The following PGS1 variants were observed in gnomAD, a reference collection of about 807,000 sequenced individuals.
PGS1 encodes the protein phosphatidylglycerophosphate synthase 1.
A neutral mutation model predicts 58.3 loss-of-function variants in PGS1; 44 were observed. The ratio of observed to expected loss-of-function variants is 0.75; its 90% CI spans 0.59 to 0.97. The LOEUF is 0.97. PGS1 is among the 50% of genes least tolerant of loss of function. The probability of loss-of-function intolerance (pLI) is 0.00; values close to 1 mark genes in which losing one functional copy is unlikely to be tolerated. For synonymous variants in PGS1, 330 were observed against 311.0 expected (o/e 1.06, Z -0.64); for missense variants, 684 against 731.1 (o/e 0.94, Z 0.74).
At chr17:78,407,082 G>T (rs1489875320) in intron 7 of PGS1, among the ~76,000 whole-genome samples, 2 of 152,174 alleles carry the variant, frequency 1.3e-5, no homozygotes, top group Non-Finnish European at 2.9e-5. Context: ...GGGTCGGGGC[G>T]GGGGGTGCCC....
intron 3 of PGS1, among the ~76,000 whole-genome samples, chr17:78,397,384 G>C (rs570136990): frequency 6.6e-6 from 1 of 151,982 alleles, no homozygotes; most frequent in Non-Finnish European, 1.5e-5. Flanking sequence ...TGTGGAGAGG[G>C]AGGTGCAGTG....
chr17:78,392,544 G>T lies in PGS1; in HGVS notation c.212G>T (p.Cys71Phe). ...CCCCAGGTCACCTCCCCACCTTGCT[G>T]CCTGTGTCCAGAAGGCGTGCACCGG... ...AVPQVTSPPCCLCPEGVHRFQ... is the reference protein window; with the variant it reads ...AVPQVTSPPCFLCPEGVHRFQ... The change falls in exon 2 of 10, where the codon TGC (cysteine) becomes TTC (phenylalanine). Residue 71 changes from cysteine to phenylalanine, a missense_variant. Transcript: ENST00000262764. 3 of 1,614,146 alleles carry T rather than the reference G, an allele frequency of 1.9e-6. No individual in the cohort carries two copies. The highest frequency in any genetic ancestry group is 2.5e-6 in the Non-Finnish European group (3 of 1,180,004).
chr17:78,421,239 CTT>C (rs1345933684), intron 9 of PGS1: 2 of 152,066 alleles, frequency 1.3e-5, no homozygotes, highest in African/African-American at 2.4e-5. Context: ...TGCCTGATCT[CTT>C]TATCATCTTC....
In PGS1 at chr17:78,414,988, C is replaced by G. The variant is rs576609475; in HGVS notation, c.1512C>G (p.Ile504Met). Reference sequence around the variant, plus strand: ...GGGACCTGGAGGCCCAGATTGCGATCGTGACGGAGAACCAGGCCCTGCAGC... The same window carrying G: ...GGGACCTGGAGGCCCAGATTGCGATGGTGACGGAGAACCAGGCCCTGCAGC... ...VHRDLEAQIA[I>M]VTENQALQQQ... Residue 504 changes from isoleucine (I) to methionine (M), a missense_variant, in exon 8 of 10, where the codon ATC (isoleucine) becomes ATG (methionine). By Grantham distance (10) the Ile-to-Met change is conservative. Coordinates refer to ENST00000262764, the MANE Select transcript of PGS1 (RefSeq NM_024419.5). 9 of 1,613,488 alleles carry G rather than the reference C, an allele frequency of 5.6e-6. No individual in the cohort carries two copies. The highest frequency in any genetic ancestry group is 2.2e-5 in the East Asian group (1 of 44,868).
chr17:78,421,876 A>C (rs2085800147), intron 9 of PGS1: 1 of 151,286 alleles, frequency 6.6e-6, no homozygotes, highest in East Asian at 1.9e-4. Context: ...AACTCTGCAA[A>C]GCAGCCGGAG....
At chr17:78,384,629 C>A (rs1021132861) in intron 1 of PGS1, among the ~76,000 whole-genome samples, 1 of 152,120 alleles carries the variant, frequency 6.6e-6, no homozygotes, top group South Asian at 2.1e-4. Flanking sequence ...ACCTTCAGAC[C>A]ACGCCTCTGA....
intron 2 of PGS1, among the ~76,000 whole-genome samples, chr17:78,394,058 G>A (rs1228672521): frequency 6.7e-6 from 1 of 150,030 alleles, no homozygotes; most frequent in African/African-American, 2.5e-5. Context: ...TGTGGTCCTA[G>A]CTAGTCAGGA....
At chr17:78,408,580 G>A (rs550760584) in intron 7 of PGS1, among the ~76,000 whole-genome samples, 1 of 152,356 alleles carries the variant, frequency 6.6e-6, no homozygotes, top group South Asian at 2.1e-4. Context: ...TGAGCGAATA[G>A]ATTGGCAGAA....
Position 78,398,335 on chromosome 17 carries a change from C to T in PGS1, c.495C>T (p.Phe165=), listed in dbSNP as rs2083400111. The change falls in exon 4 of 10, where the codon TTC becomes TTT. Residue 165 remains phenylalanine, a synonymous_variant. Coordinates refer to ENST00000262764, the MANE Select transcript of PGS1 (RefSeq NM_024419.5). ...TCAAGGTCTCCATTCTCTTAGACTTCACGCGGGGCTCACGAGGTAGGTGGC... is the reference window on the plus strand; with the variant it reads ...TCAAGGTCTCCATTCTCTTAGACTTTACGCGGGGCTCACGAGGTAGGTGGC... ...SNLKVSILLD[F]TRGSRGRKNS... is the part of the protein sequence containing the mutation. 2 of 1,613,440 alleles carry T rather than the reference C, an allele frequency of 1.2e-6. No homozygotes were observed. Among genetic ancestry groups the T allele is most frequent in the South Asian group, 1.1e-5 (1 of 91,060 alleles).
intron 9 of PGS1, among the ~76,000 whole-genome samples, chr17:78,422,382 T>G (rs16971246): frequency 0.024 from 3,570 of 147,694 alleles, 153 homozygotes; most frequent in African/African-American, 0.082. Context: ...ACCCTCAGAA[T>G]TTGGACTTTC....
chr17:78,402,397 CATATATATATATATAT>C (rs10599132), intron 6 of PGS1, among the ~76,000 whole-genome samples: 53 of 108,378 alleles, frequency 4.9e-4, no homozygotes, highest in South Asian at 1.8e-3. Flanking sequence ...AATTTCTATT[CATATATATATATATAT>C]ATATATATAT....
chr17:78,422,622 T>G (rs1405944337), intron 9 of PGS1, among the ~76,000 whole-genome samples: 1 of 140,362 alleles, frequency 7.1e-6, no homozygotes, highest in Non-Finnish European at 1.6e-5. Context: ...CTCAGCCTCC[T>G]GAGTAGCTGG....
At chr17:78,405,455 G>A (rs905404600) in intron 7 of PGS1, among the ~76,000 whole-genome samples, 1 of 152,142 alleles carries the variant, frequency 6.6e-6, no homozygotes, top group Non-Finnish European at 1.5e-5. Context: ...TGGAGGCTCT[G>A]TGCACAGTCT....
intron 1 of PGS1, among the ~76,000 whole-genome samples, chr17:78,389,977 C>T (rs765439399): frequency 1.3e-5 from 2 of 152,144 alleles, no homozygotes; most frequent in African/African-American, 2.4e-5. Flanking sequence ...AGCAGTACAG[C>T]GGCACCTGAT....
chr17:78,423,954 C>T (rs2086240223), intron 9 of PGS1, 107 bp from the exon 10 acceptor site: 1 of 1,613,998 alleles, frequency 6.2e-7, no homozygotes, highest in Non-Finnish European at 8.5e-7. Flanking sequence ...ACTTCGCTGC[C>T]TTCTCTTTGG....
chr17:78,400,824 G>C lies in PGS1; in HGVS notation c.849G>C (p.Gln283His). The change falls in exon 6 of 10, where the codon CAG becomes CAC. Residue 283 changes from glutamine (Q) to histidine (H), a missense_variant. Transcript: ENST00000262764. This position sits in a 1 kb window ranked among gnomAD's most constrained non-coding sequence, Gnocchi z 4.4. ...AGCTGCAGGGGGACGACACGGTGCA[G>C]GTGGTGGATGGGATGGTGCATCCTT... ...SLQLQGDDTVQVVDGMVHPYK... is the reference protein window; with the variant it reads ...SLQLQGDDTVHVVDGMVHPYK... 1 of 1,611,458 alleles carries C rather than the reference G, an allele frequency of 6.2e-7. No homozygotes were observed. Among genetic ancestry groups the C allele is most frequent in the Non-Finnish European group, 8.5e-7 (1 of 1,178,400 alleles).
rs190351072 is a variant in PGS1, at chr17:78,409,699, C to T, written c.1403-5180C>T. Among the ~76,000 whole-genome samples the T allele has an allele frequency of 3.9e-4, 60 of 152,330 alleles. 1 individual carries two copies. The South Asian group carries it at 5.4e-3, about 14-fold the overall frequency. ...AGCCTGTGATGTCTTCTGTCCCCTC[C>T]GTGTTTTTACTGGAGTCTGAGAACC... is the stretch of plus-strand genomic sequence containing the variant. On this transcript the variant is annotated intron_variant, in intron 7 of 9. Coordinates refer to ENST00000262764, the MANE Select transcript of PGS1 (RefSeq NM_024419.5).
chr17:78,404,082 C>T lies in PGS1; in HGVS notation c.1395C>T (p.His465=), dbSNP rs149054158. 2.9e-3 allele frequency: 4,556 copies of T among 1,563,132 alleles called. 8 individuals carry two copies. Among genetic ancestry groups the T allele is most frequent in the Middle Eastern group, 0.024 (142 of 5,900 alleles). ...ACTGGCGGAGGGGCTGGACGTTCCACGCCAAAGGTGCGCAGCGGCTGGCTG... is the reference window on the plus strand; with the variant it reads ...ACTGGCGGAGGGGCTGGACGTTCCATGCCAAAGGTGCGCAGCGGCTGGCTG... ...QEYWRRGWTF[H]AKGLWLYLAG... is the part of the protein sequence containing the mutation. Residue 465 remains histidine (H), a synonymous_variant, in exon 7 of 10, where the codon CAC becomes CAT. Coordinates refer to ENST00000262764, the MANE Select transcript of PGS1 (RefSeq NM_024419.5).
At chr17:78,405,154 C>A (rs1417199853) in intron 7 of PGS1, among the ~76,000 whole-genome samples, 1 of 128,318 alleles carries the variant, frequency 7.8e-6, no homozygotes, top group South Asian at 2.7e-4. Context: ...TGCACCATTA[C>A]GCCTGGCTAA....
Sources: gnomAD v4.1 joint callset for allele counts (sites outside exome capture counted in the v4.1 genomes callset) on GRCh38, gnomAD v4.1.1 for gene constraint, Gnocchi (gnomAD v3.1) non-coding constraint, MANE v1.5 for transcripts, NCBI Gene and HGNC (gene_info 2026-07-23, HGNC 2026-07-21) for gene names.